Variants in NREP observed in about 807,000 individuals in gnomAD.
NREP encodes neuronal regeneration-related protein.
Under a neutral mutation model 8.6 loss-of-function variants are expected in NREP, and 5 were observed. The observed-to-expected ratio is 0.58, with a 90% CI of 0.30 to 1.22. NREP has a LOEUF of 1.22. Ranked by LOEUF, NREP falls within the 50% of genes most tolerant of loss-of-function variation. The pLI, the probability that NREP is intolerant of heterozygous loss-of-function variation, is 0.07. For synonymous variants in NREP, 27 were observed against 28.0 expected (o/e 0.96, Z 0.11); for missense variants, 86 against 82.5 (o/e 1.04, Z -0.17).
At chr5:111,845,851 T>A (rs111981815) in intron 2 of NREP, among the ~76,000 whole-genome samples, 47 of 150,734 alleles carry the variant, frequency 3.1e-4, no homozygotes, top group African/African-American at 1.0e-3. Flanking sequence ...TAGGAAGTAA[T>A]TCTACCAAAA....
chr5:111,796,111 T>A (rs547586805), intron 2 of NREP, among the ~76,000 whole-genome samples: 5 of 152,294 alleles, frequency 3.3e-5, no homozygotes, highest in African/African-American at 7.2e-5. Flanking sequence ...TTCTGGAGGC[T>A]CTATGGAAGA....
At chr5:111,941,860 C>T (rs970467194) in intron 2 of NREP, among the ~76,000 whole-genome samples, 2 of 152,172 alleles carry the variant, frequency 1.3e-5, no homozygotes, top group African/African-American at 4.8e-5. Flanking sequence ...TAGATTCTAG[C>T]TTATTTACAA....
chr5:111,852,211 G>A (rs1412792963), intron 2 of NREP, among the ~76,000 whole-genome samples: 1 of 152,186 alleles, frequency 6.6e-6, no homozygotes, highest in African/African-American at 2.4e-5. Flanking sequence ...CCCAATGGTG[G>A]TGGAAGGTAA....
At chr5:111,854,792 T>G (rs1753389389) in intron 2 of NREP, among the ~76,000 whole-genome samples, 1 of 152,170 alleles carries the variant, frequency 6.6e-6, no homozygotes, top group Non-Finnish European at 1.5e-5. Flanking sequence ...TACCTTCCCT[T>G]CTGCCCTTTC....
chr5:111,960,014 T>C (rs1756437160), intron 2 of NREP, among the ~76,000 whole-genome samples: 1 of 152,142 alleles, frequency 6.6e-6, no homozygotes, highest in African/African-American at 2.4e-5. Flanking sequence ...GACATGCTTA[T>C]TACTAGCCCA....
intron 2 of NREP, among the ~76,000 whole-genome samples, chr5:111,785,950 T>A (rs182812728): frequency 2.6e-4 from 39 of 152,040 alleles, no homozygotes; most frequent in Non-Finnish European, 4.6e-4. Flanking sequence ...AAGAGCAGGA[T>A]CTGGAAAGAA....
intron 2 of NREP, among the ~76,000 whole-genome samples, chr5:111,907,483 A>G (rs944446093): frequency 5.9e-5 from 9 of 151,900 alleles, no homozygotes; most frequent in Non-Finnish European, 1.2e-4. Context: ...CCAAAGATCA[A>G]TTTGCTCTAT....
At chr5:111,867,224 T>A (rs1474435926) in intron 2 of NREP, among the ~76,000 whole-genome samples, 1 of 152,018 alleles carries the variant, frequency 6.6e-6, no homozygotes, top group Non-Finnish European at 1.5e-5. Flanking sequence ...TACCATAGAC[T>A]GAGTGGCTTA....
chr5:111,905,400 T>A (rs1472746803), intron 2 of NREP, among the ~76,000 whole-genome samples: 3 of 152,166 alleles, frequency 2.0e-5, no homozygotes, highest in Non-Finnish European at 4.4e-5. Context: ...TTGGATTTTT[T>A]AAATAAGTAT....
intron 2 of NREP, among the ~76,000 whole-genome samples, chr5:111,958,360 T>C (rs1200967627): frequency 2.0e-5 from 3 of 151,806 alleles, no homozygotes; most frequent in Admixed American, 6.6e-5. Flanking sequence ...AAATGAGATA[T>C]AAAGATGAGA....
chr5:111,742,846 A>C (rs529845139), intron 2 of NREP, among the ~76,000 whole-genome samples: 1 of 152,186 alleles, frequency 6.6e-6, no homozygotes, highest in African/African-American at 2.4e-5. Context: ...CAATCCACCT[A>C]AAGACTCCAT....
At chr5:111,927,368 A>C (rs1192775394) in intron 2 of NREP, among the ~76,000 whole-genome samples, 2 of 152,148 alleles carry the variant, frequency 1.3e-5, no homozygotes, top group East Asian at 3.9e-4. Context: ...AAAAAGAATG[A>C]CCAGTGTCCA....
At chr5:111,862,008 A>AT (rs1561698034) in intron 2 of NREP, among the ~76,000 whole-genome samples, 17 of 152,272 alleles carry the variant, frequency 1.1e-4, no homozygotes, top group Non-Finnish European at 1.5e-5. Context: ...TATAAAACTT[A>AT]TTTTTAAGAA....
At position 111,735,448 on chromosome 5, in the gene NREP, C is replaced by T. The variant is rs375042083; in HGVS notation, c.63G>A (p.Met21Ile). The change falls in exon 3 of 4, where the codon ATG becomes ATA. Residue 21 changes from methionine to isoleucine, a missense_variant. Coordinates refer to ENST00000257435, the MANE Select transcript of NREP (RefSeq NM_004772.4). ...ATCTTACCTTAGGAAGCCTTCCCTC[C>T]ATGTCCTTGTTTGGAAATGGTTCTT... ...VSQEPFPNKD[M>I]EGRLPKGRLP... 11 of 1,612,270 alleles carry T rather than the reference C, an allele frequency of 6.8e-6. No individual in the cohort carries two copies. The highest frequency in any genetic ancestry group is 4.0e-5 in the African/African-American group (3 of 74,892).
intron 2 of NREP, among the ~76,000 whole-genome samples, chr5:111,969,108 A>T (rs532896221): frequency 6.6e-6 from 1 of 152,376 alleles, no homozygotes; most frequent in Admixed American, 6.5e-5. Flanking sequence ...TAACTAGATG[A>T]TGATCAAATA....
intron 2 of NREP, among the ~76,000 whole-genome samples, chr5:111,832,319 A>G (rs1581150377): frequency 1.3e-5 from 2 of 152,092 alleles, no homozygotes; most frequent in African/African-American, 4.8e-5. Flanking sequence ...TGAGTTAGGG[A>G]CCAGCCTGGA....
intron 2 of NREP, among the ~76,000 whole-genome samples, chr5:111,804,786 G>A (rs1169431700): frequency 6.6e-6 from 1 of 152,064 alleles, no homozygotes; most frequent in Non-Finnish European, 1.5e-5. Context: ...CGGATCACGA[G>A]GTCAGGAGAT....
intron 2 of NREP, among the ~76,000 whole-genome samples, chr5:111,962,421 G>T (rs1756505746): frequency 6.6e-6 from 1 of 152,224 alleles, no homozygotes; most frequent in Admixed American, 6.5e-5. Flanking sequence ...TATCACAGAA[G>T]AAATGTTCAA....
intron 2 of NREP, among the ~76,000 whole-genome samples, chr5:111,771,339 T>C (rs1175820628): frequency 1.3e-5 from 2 of 151,986 alleles, no homozygotes; most frequent in Admixed American, 6.6e-5. Context: ...ACTGAGTAAA[T>C]ACTCTGCCTG....
Sources: allele counts gnomAD v4.1 joint callset (sites outside exome capture counted in the v4.1 genomes callset), GRCh38; gene constraint gnomAD v4.1.1; transcripts MANE v1.5; gene names NCBI Gene and HGNC (gene_info 2026-07-23, HGNC 2026-07-21).